The following TLL1 variants were observed in gnomAD, a reference collection of about 807,000 sequenced individuals.
The protein encoded by TLL1 is tolloid like 1.
In TLL1, 49 loss-of-function variants were observed where a neutral mutation model predicts 128.2. That is an observed-to-expected ratio of 0.38 (90% CI 0.30 to 0.48). The LOEUF (loss-of-function observed/expected upper bound fraction) is 0.48. Among genes scored for constraint, TLL1 ranks in the 20% least tolerant of loss-of-function variants. The pLI is 0.96. For synonymous variants in TLL1, 454 were observed against 418.8 expected (o/e 1.08, Z -1.03); for missense variants, 1,123 against 1,242.0 (o/e 0.90, Z 1.44).
intron 8 of TLL1, among the ~76,000 whole-genome samples, chr4:166,017,350 C>A (rs1207628429): frequency 1.3e-5 from 2 of 152,010 alleles, no homozygotes; most frequent in African/African-American, 4.8e-5. Context: ...GATGGACATC[C>A]AGGTTGATTC....
intron 1 of TLL1, among the ~76,000 whole-genome samples, chr4:165,878,376 T>TC (rs1554002699): frequency 6.6e-6 from 1 of 151,924 alleles, no homozygotes; most frequent in African/African-American, 2.4e-5. Context: ...TTTTTTTTTT[T>TC]CTCTTCTTGC....
intron 1 of TLL1, among the ~76,000 whole-genome samples, chr4:165,970,757 T>G (rs1186603952): frequency 6.6e-6 from 1 of 152,232 alleles, no homozygotes; most frequent in African/African-American, 2.4e-5. Context: ...GATAACCATA[T>G]ACAGGCATTT....
rs554287019 is a variant in TLL1, at chr4:166,042,372, G to A, written c.1378+229G>A. Among the ~76,000 whole-genome samples the A allele has an allele frequency of 4.1e-4, 62 of 152,248 alleles. No homozygotes were observed. In the Middle Eastern group the frequency reaches 0.014, roughly 33 times the overall value. The stretch of plus-strand genomic sequence containing the variant: ...ATATCTAAATGTGTTCAGGATGTGT[G>A]GAGAAAAAAGCAAATGGCTCAAGAA... On this transcript the variant is annotated intron_variant, in intron 11 of 20. Coordinates refer to ENST00000061240, the MANE Select transcript of TLL1 (RefSeq NM_012464.5).
chr4:166,038,251 T>C (rs935881217), intron 9 of TLL1, among the ~76,000 whole-genome samples: 4 of 152,190 alleles, frequency 2.6e-5, no homozygotes, highest in Non-Finnish European at 2.9e-5. Context: ...CTTTTTTTCT[T>C]CCTTCCTTTG....
intron 5 of TLL1, among the ~76,000 whole-genome samples, chr4:166,000,348 A>G (rs1290481547): frequency 6.6e-6 from 1 of 152,226 alleles, no homozygotes. Context: ...TCTGTCTCCA[A>G]GACCTTTAAT....
intron 1 of TLL1, among the ~76,000 whole-genome samples, chr4:165,943,710 G>GA (rs1024797773): frequency 5.3e-5 from 8 of 151,832 alleles, no homozygotes; most frequent in South Asian, 2.1e-4. Context: ...TTAAAGCCAT[G>GA]AAAAAAAATG....
chr4:166,049,087 G>C (rs969242778), intron 12 of TLL1, among the ~76,000 whole-genome samples: 1 of 152,182 alleles, frequency 6.6e-6, no homozygotes, highest in South Asian at 2.1e-4. Flanking sequence ...GCCATGTACT[G>C]TTTCTGGGAA....
At chr4:166,028,204 A>T (rs139841593) in intron 9 of TLL1, among the ~76,000 whole-genome samples, 1 of 152,068 alleles carries the variant, frequency 6.6e-6, no homozygotes, top group Non-Finnish European at 1.5e-5. Flanking sequence ...CCCCTCAGAA[A>T]TACTTTACCT....
At chr4:165,966,332 G>C (rs1198611442) in intron 1 of TLL1, among the ~76,000 whole-genome samples, 1 of 152,112 alleles carries the variant, frequency 6.6e-6, no homozygotes, top group Non-Finnish European at 1.5e-5. Context: ...GAGGTGTGGG[G>C]ACCTCCTAAC....
At chr4:166,062,977 C>G (rs1421772855) in intron 15 of TLL1, among the ~76,000 whole-genome samples, 2 of 152,104 alleles carry the variant, frequency 1.3e-5, no homozygotes, top group African/African-American at 4.8e-5. Context: ...TTGAGATAAT[C>G]ATGTGGTTTT....
rs773518843 is a variant in TLL1 at position 166,078,019 on chromosome 4, C to T, written c.2431C>T (p.Arg811Ter). 1.9e-6 allele frequency: 3 copies of T among 1,613,488 alleles called. No individual in the cohort carries two copies. The highest frequency in any genetic ancestry group is 1.7e-6 in the Non-Finnish European group (2 of 1,179,636). Residue 811 changes from arginine (R) to a stop codon, truncating the protein, a stop_gained, in exon 18 of 21, where the codon CGA becomes TGA. Transcript: ENST00000061240. LOFTEE classifies it high-confidence loss of function. Reference protein sequence around the residue: ...TWEISATPGHRIKLAFSEFEI... With the variant: ...TWEISATPGH ...GGAAATCAGCGCCACTCCTGGCCAC[C>T]GAATCAAATTAGTAAGTGAGCACAT... is the stretch of plus-strand genomic sequence containing the variant.
chr4:166,058,428 GT>G (rs1216008253), intron 14 of TLL1, among the ~76,000 whole-genome samples: 9 of 152,208 alleles, frequency 5.9e-5, no homozygotes, highest in African/African-American at 2.2e-4. Context: ...ATAAATATGT[GT>G]TTTATCAATA....
chr4:165,881,689 A>G (rs1359507780), intron 1 of TLL1, among the ~76,000 whole-genome samples: 1 of 152,220 alleles, frequency 6.6e-6, no homozygotes, highest in Non-Finnish European at 1.5e-5. Context: ...CTACTTATGG[A>G]TGAAACAAAC....
intron 9 of TLL1, among the ~76,000 whole-genome samples, chr4:166,026,740 T>C (rs1481647638): frequency 6.6e-6 from 1 of 151,612 alleles, no homozygotes; most frequent in African/African-American, 2.4e-5. Flanking sequence ...AAAACATGTC[T>C]GATCAAGAAA....
chr4:166,060,028 C>A lies in TLL1; in HGVS notation c.1847C>A (p.Ala616Asp). The change falls in exon 15 of 21, where the codon GCT (alanine) becomes GAT (aspartate). Residue 616 changes from alanine to aspartate, a missense_variant and splice_region_variant. Physicochemically the swap from Ala to Asp is moderately radical, Grantham distance 126. Coordinates refer to ENST00000061240, the MANE Select transcript of TLL1 (RefSeq NM_012464.5). ...ELGPDRRSCEAACGGLLTKLN... is the reference protein window; with the variant it reads ...ELGPDRRSCEDACGGLLTKLN... ...ACCTTTTTCTTTTCTTTTCTTCTAGCTGCTTGTGGTGGACTTCTTACCAAA... is the reference window on the plus strand; with the variant it reads ...ACCTTTTTCTTTTCTTTTCTTCTAGATGCTTGTGGTGGACTTCTTACCAAA... The A allele has an allele frequency of 6.2e-7, 1 of 1,613,486 alleles. No homozygotes were observed. Among genetic ancestry groups the A allele is most frequent in the Non-Finnish European group, 8.5e-7 (1 of 1,179,762 alleles).
At chr4:165,982,254 G>A (rs1264270951) in intron 1 of TLL1, among the ~76,000 whole-genome samples, 3 of 151,398 alleles carry the variant, frequency 2.0e-5, no homozygotes, top group Non-Finnish European at 4.4e-5. Context: ...ATAGCAATAT[G>A]TGTTACTGAC....
intron 16 of TLL1, among the ~76,000 whole-genome samples, chr4:166,066,444 C>A (rs1740579319): frequency 6.6e-6 from 1 of 151,684 alleles, no homozygotes; most frequent in African/African-American, 2.4e-5. Flanking sequence ...AAAACCAAGA[C>A]ATTTTTTTCT....
chr4:166,053,733 G>A (rs577582964), intron 12 of TLL1, among the ~76,000 whole-genome samples: 5 of 152,176 alleles, frequency 3.3e-5, no homozygotes, highest in South Asian at 2.1e-4. Context: ...GACATTCTAC[G>A]TATTCCTTAA....
Position 166,072,581 on chromosome 4 carries a change from G to GT in TLL1, c.2189-2287dup, listed in dbSNP as rs369985538. On this transcript the variant is annotated intron_variant, in intron 16 of 20. Transcript: ENST00000061240. ...CTTTAGTTACTATTACTATAGGTCAGTTTTTTTTTTAACAAATCTTGAAAT... is the reference window on the plus strand; with the variant it reads ...CTTTAGTTACTATTACTATAGGTCAGTTTTTTTTTTTAACAAATCTTGAAAT... 7.0e-3 allele frequency among the ~76,000 whole-genome samples: 1,036 copies of GT among 147,402 alleles called. 11 individuals carry two copies. Among genetic ancestry groups the GT allele is most frequent in the African/African-American group, 0.021 (839 of 40,376 alleles).
Sources: allele counts gnomAD v4.1 joint callset (sites outside exome capture counted in the v4.1 genomes callset), GRCh38; gene constraint gnomAD v4.1.1; transcripts MANE v1.5; gene names NCBI Gene and HGNC (gene_info 2026-07-23, HGNC 2026-07-21).